Variants in NUP43 observed in about 807,000 individuals in gnomAD.
NUP43 encodes nucleoporin Nup43.
A neutral mutation model predicts 47.3 loss-of-function variants in NUP43; 32 were observed. The observed-to-expected ratio is 0.68, with a 90% CI of 0.51 to 0.91. The LOEUF (loss-of-function observed/expected upper bound fraction) is 0.91, where lower values mean the gene tolerates loss of function less well. Ranked by LOEUF, NUP43 falls within the 40% of genes least tolerant of loss-of-function variation. NUP43 has a pLI of 0.00. For missense variants in NUP43, 444 were observed against 453.9 expected (o/e 0.98, Z 0.20); for synonymous variants, 147 against 158.4 (o/e 0.93, Z 0.54).
At chr6:149,734,652 G>A (rs1785226508) in intron 6 of NUP43, among the ~76,000 whole-genome samples, 1 of 151,836 alleles carries the variant, frequency 6.6e-6, no homozygotes, top group Non-Finnish European at 1.5e-5. Flanking sequence ...ACAAAAATTA[G>A]CTAGGCATGG....
At position 149,736,591 on chromosome 6, in the gene NUP43, C is replaced by T. The variant is rs1259356584; in HGVS notation, c.670G>A (p.Asp224Asn). 1 of 1,607,388 alleles carries T rather than the reference C, an allele frequency of 6.2e-7. No individual in the cohort carries two copies. ...ACATGCTGTTGGTTGGGATGTCTAT[C>T]AACACAGTGGAGTGGCACTCGGTCA... ...TGDRVPLHCV[D>N]RHPNQQHVVA... The change falls in exon 6 of 8, where the codon GAT becomes AAT. Residue 224 changes from aspartate to asparagine, a missense_variant. Physicochemically the swap from Asp to Asn is conservative, Grantham distance 23. Transcript: ENST00000340413.
chr6:149,746,111 G>A (rs377409694), intron 1 of NUP43, 49 bp from the exon 2 acceptor site: 3 of 1,593,818 alleles, frequency 1.9e-6, no homozygotes, highest in Admixed American at 1.8e-5. Flanking sequence ...GTCAACTCTC[G>A]GAAAATAAAA....
chr6:149,733,831 G>GTT (rs539334750), intron 6 of NUP43, among the ~76,000 whole-genome samples: 1 of 145,686 alleles, frequency 6.9e-6, no homozygotes. Context: ...GTTTTGTTTT[G>GTT]TTTTTTTTTT....
In NUP43 at chr6:149,740,714, T is replaced by G. The variant is rs180805929; in HGVS notation, c.502+1676A>C. 2.8e-4 allele frequency among the ~76,000 whole-genome samples: 43 copies of G among 152,262 alleles called. 1 individual carries two copies. In the East Asian group the frequency reaches 6.0e-3, roughly 21 times the overall value. ...TTCTGATTTAAAAGGTCTAGAGTGG[T>G]CGACAGTTAAAAAATTTCCTCAGAG... On this transcript the variant is annotated intron_variant, in intron 4 of 7. Transcript: ENST00000340413.
chr6:149,739,342 A>C (rs540724123), intron 4 of NUP43, among the ~76,000 whole-genome samples: 2 of 152,192 alleles, frequency 1.3e-5, no homozygotes, highest in South Asian at 4.1e-4. Context: ...GCTAGAGGGC[A>C]GTGGCGTACT....
chr6:149,746,568 G>A (rs775095854), upstream of NUP43: 74 of 1,612,506 alleles, frequency 4.6e-5, no homozygotes, highest in Middle Eastern at 1.6e-4. Context: ...CTCTTCCCGC[G>A]GAACCCTGAT....
At chr6:149,745,343 T>C (rs1369514574) in intron 2 of NUP43, among the ~76,000 whole-genome samples, 1 of 150,268 alleles carries the variant, frequency 6.7e-6, no homozygotes, top group Non-Finnish European at 1.5e-5. Flanking sequence ...GAGGTTGTAG[T>C]GAGCTCAGAT....
chr6:149,739,316 T>G (rs1017050520), intron 4 of NUP43, among the ~76,000 whole-genome samples: 1 of 151,932 alleles, frequency 6.6e-6, no homozygotes, highest in African/African-American at 2.4e-5. Flanking sequence ...GAGATGGATC[T>G]CGCTCTGTCA....
At chr6:149,734,552 C>T (rs1051065147) in intron 6 of NUP43, among the ~76,000 whole-genome samples, 2 of 151,934 alleles carry the variant, frequency 1.3e-5, no homozygotes, top group African/African-American at 4.8e-5. Context: ...AATCCCAGCA[C>T]TTTGGGATGC....
intron 6 of NUP43, among the ~76,000 whole-genome samples, chr6:149,732,967 G>A (rs1268207978): frequency 1.3e-5 from 2 of 151,548 alleles, no homozygotes; most frequent in Non-Finnish European, 2.9e-5. Context: ...GTCTACCTTG[G>A]TCTTCTACTC....
At chr6:149,745,166 C>T (rs1341497596) in intron 2 of NUP43, among the ~76,000 whole-genome samples, 2 of 151,710 alleles carry the variant, frequency 1.3e-5, no homozygotes, top group Admixed American at 6.6e-5. Flanking sequence ...TTTGGGAGGC[C>T]GAGGCAGGCA....
chr6:149,727,619 G>T, intron 7 of NUP43: 1 of 797,588 alleles, frequency 1.3e-6, no homozygotes, highest in Non-Finnish European at 1.5e-6. Context: ...AGAATTTCTA[G>T]ACATATTTCT....
At chr6:149,746,249 A>G in intron 1 of NUP43, 127 bp downstream of exon 1, 1 of 1,433,234 alleles carries the variant, frequency 7.0e-7, no homozygotes, top group Non-Finnish European at 9.6e-7. Context: ...CGCGCCTGAG[A>G]CAGGGGTCCG....
chr6:149,735,171 T>C (rs1373581933), intron 6 of NUP43, among the ~76,000 whole-genome samples: 1 of 152,030 alleles, frequency 6.6e-6, no homozygotes, highest in East Asian at 1.9e-4. Flanking sequence ...CAAGCAATCC[T>C]CCTGCCTCGG....
chr6:149,738,630 A>T lies in NUP43; in HGVS notation c.638+13T>A. ...TGTGGATTACATTACTGAAATTACA[A>T]ATCAACACTTACAGTGACAATATCT... On this transcript the variant is annotated intron_variant, in intron 5 of 7. Transcript: ENST00000340413. The T allele has an allele frequency of 6.5e-7, 1 of 1,541,132 alleles. No homozygotes were observed. Among genetic ancestry groups the T allele is most frequent in the Non-Finnish European group, 8.7e-7 (1 of 1,144,964 alleles).
At chr6:149,734,284 A>T (rs1455826489) in intron 6 of NUP43, among the ~76,000 whole-genome samples, 1 of 152,018 alleles carries the variant, frequency 6.6e-6, no homozygotes, top group Non-Finnish European at 1.5e-5. Flanking sequence ...TAAGTGAGGT[A>T]CCATGCCACT....
chr6:149,726,032 G>C lies in NUP43; in HGVS notation c.*937C>G, dbSNP rs374977413. The C allele has an allele frequency of 7.2e-5, 11 of 152,228 alleles. No individual in the cohort carries two copies. Among genetic ancestry groups the C allele is most frequent in the Admixed American group, 2.6e-4 (4 of 15,274 alleles). The allele number at this position is 152,228 out of a possible 1,614,324, so 9.4% of individuals were successfully genotyped here. On this transcript the variant is annotated 3_prime_UTR_variant, in exon 8 of 8. Transcript: ENST00000340413. ...AGCTATGCTGTGAAGCTAAACAAAAGCAAAGTTGGGTCTAACAAGCTGAAA... is the reference window on the plus strand; with the variant it reads ...AGCTATGCTGTGAAGCTAAACAAAACCAAAGTTGGGTCTAACAAGCTGAAA...
At position 149,729,499 on chromosome 6, in the gene NUP43, T is replaced by G. The variant is rs926551927; in HGVS notation, c.913+2114A>C. Reference sequence around the variant, plus strand: ...AACACTGGTGGTAGTTTCAGCCTGGTTGAGGGAGCGCCTTTTCTCCTAATT... The same window carrying G: ...AACACTGGTGGTAGTTTCAGCCTGGGTGAGGGAGCGCCTTTTCTCCTAATT... On this transcript the variant is annotated intron_variant, in intron 7 of 7. Coordinates refer to ENST00000340413, the MANE Select transcript of NUP43 (RefSeq NM_198887.3). 8 of 984,164 alleles carry G rather than the reference T, an allele frequency of 8.1e-6. No individual in the cohort carries two copies. In the Admixed American group the frequency reaches 2.5e-4, roughly 30 times the overall value. The allele number at this position is 984,164 out of a possible 1,614,324, so 61.0% of individuals were successfully genotyped here.
chr6:149,747,005 G>A (rs1185092718), upstream of NUP43, among the ~76,000 whole-genome samples: 1 of 152,206 alleles, frequency 6.6e-6, no homozygotes, highest in Non-Finnish European at 1.5e-5. Flanking sequence ...CACTGTCAGA[G>A]CCTGGAGTTG....
Sources: gnomAD v4.1 joint callset for allele counts (sites outside exome capture counted in the v4.1 genomes callset) on GRCh38, gnomAD v4.1.1 for gene constraint, MANE v1.5 for transcripts, NCBI Gene and HGNC (gene_info 2026-07-23, HGNC 2026-07-21) for gene names.